MAST4: variants seen among roughly 807,000 people sequenced by gnomAD.
The protein encoded by MAST4 is microtubule-associated serine/threonine-protein kinase 4.
A neutral mutation model predicts 162.7 loss-of-function variants in MAST4; 89 were observed. The observed-to-expected ratio is 0.55, with a 90% CI of 0.46 to 0.65. The LOEUF is 0.65. Ranked by LOEUF, MAST4 falls within the 30% of genes least tolerant of loss-of-function variation. MAST4 has a pLI of 0.00. For synonymous variants in MAST4, 1,479 were observed against 1,361.1 expected (o/e 1.09, Z -1.91); for missense variants, 3,153 against 3,374.0 (o/e 0.93, Z 1.62).
chr5:66,673,080 G>A (rs1016290120), intron 1 of MAST4, among the ~76,000 whole-genome samples: 3 of 152,126 alleles, frequency 2.0e-5, no homozygotes, highest in Non-Finnish European at 4.4e-5. Context: ...TTTTGTGTGT[G>A]TGAGTGTTTT....
intron 4 of MAST4, among the ~76,000 whole-genome samples, chr5:66,921,155 G>A (rs568066669): frequency 2.6e-5 from 4 of 152,056 alleles, no homozygotes; most frequent in South Asian, 2.1e-4. Flanking sequence ...GCAACATTGG[G>A]TTAAAAAAAT....
In MAST4 at chr5:66,654,289, G is replaced by T. The variant is rs563605832; in HGVS notation, c.363+57271G>T. ...TCCTCCTTTAAGCAGTCAGAAGGGA[G>T]AGTGGTATCCATCAAACATCCTTCA... On this transcript the variant is annotated intron_variant, in intron 1 of 28. Transcript: ENST00000403625. Among the ~76,000 whole-genome samples, 123 of 152,318 alleles carry T rather than the reference G, an allele frequency of 8.1e-4. 4 individuals carry two copies. In the South Asian group the frequency reaches 0.025, roughly 32 times the overall value.
chr5:66,605,766 CTT>C (rs1742843372), intron 1 of MAST4, among the ~76,000 whole-genome samples: 1 of 152,124 alleles, frequency 6.6e-6, no homozygotes, highest in Non-Finnish European at 1.5e-5. Flanking sequence ...TGCAGATTCC[CTT>C]TTCAGAGGAC....
intron 1 of MAST4, among the ~76,000 whole-genome samples, chr5:66,648,083 TGAGA>T (rs375744842): frequency 0.038 from 3,329 of 86,554 alleles, 43 homozygotes; most frequent in Admixed American, 0.044. Context: ...TGTGTGTGTG[TGAGA>T]GAGAGAGAGA....
At chr5:67,098,108 G>A (rs923426325) in intron 7 of MAST4, among the ~76,000 whole-genome samples, 16 of 152,050 alleles carry the variant, frequency 1.1e-4, no homozygotes, top group South Asian at 4.1e-4. Context: ...GAATATATAC[G>A]AATAAAATTG....
intron 4 of MAST4, among the ~76,000 whole-genome samples, chr5:66,971,534 A>G (rs1447458690): frequency 2.6e-5 from 4 of 152,152 alleles, no homozygotes; most frequent in Non-Finnish European, 1.5e-5. Flanking sequence ...TCTTGATACT[A>G]TCTACTCTTA....
chr5:67,074,741 T>C (rs1168296809), intron 5 of MAST4, among the ~76,000 whole-genome samples: 2 of 152,256 alleles, frequency 1.3e-5, no homozygotes, highest in Non-Finnish European at 2.9e-5. Context: ...TATATACGTG[T>C]ATACACTGTC....
At position 67,120,081 on chromosome 5, in the gene MAST4, AT is replaced by A. The variant is rs1767393429; in HGVS notation, c.1660-935del. Among the ~76,000 whole-genome samples the A allele has an allele frequency of 8.5e-5, 13 of 152,374 alleles. No homozygotes were observed. The South Asian group carries it at 2.5e-3, about 29-fold the overall frequency. ...GCAGGTGATGACTAAATAGATCCAG[AT>A]CTTAGGGCCAGAGGCCAAAGGGGAG... On this transcript the variant is annotated intron_variant, in intron 13 of 28. Coordinates refer to ENST00000403625, the MANE Select transcript of MAST4 (RefSeq NM_001164664.2).
At chr5:66,937,526 C>G (rs1020766510) in intron 4 of MAST4, among the ~76,000 whole-genome samples, 8 of 152,184 alleles carry the variant, frequency 5.3e-5, no homozygotes, top group Non-Finnish European at 1.0e-4. Context: ...TCCTCCTCTC[C>G]TCACAGAAAT....
intron 14 of MAST4, among the ~76,000 whole-genome samples, chr5:67,128,971 C>G (rs1581661625): frequency 6.6e-6 from 1 of 152,214 alleles, no homozygotes; most frequent in African/African-American, 2.4e-5. Context: ...TGTTGCTCAT[C>G]ATTTCCAGAT....
chr5:66,981,688 C>T (rs143315453), intron 4 of MAST4, among the ~76,000 whole-genome samples: 2 of 152,134 alleles, frequency 1.3e-5, no homozygotes, highest in Non-Finnish European at 2.9e-5. Flanking sequence ...GGGTTTTTGA[C>T]AGAGAATGCA....
chr5:66,731,176 A>G (rs1751828286), intron 1 of MAST4, among the ~76,000 whole-genome samples: 1 of 152,222 alleles, frequency 6.6e-6, no homozygotes, highest in Non-Finnish European at 1.5e-5. Context: ...GGGATACACA[A>G]TTGAATAATA....
chr5:66,964,156 T>G, intron 4 of MAST4: 1 of 438,034 alleles, frequency 2.3e-6, no homozygotes, highest in East Asian at 6.7e-5. Context: ...TGCCTCAAAC[T>G]ATTTTATACA....
intron 4 of MAST4, among the ~76,000 whole-genome samples, chr5:66,938,791 G>A (rs997105789): frequency 2.0e-5 from 3 of 152,072 alleles, no homozygotes; most frequent in African/African-American, 4.8e-5. Flanking sequence ...ATATTAAATG[G>A]TACAGTGATT....
chr5:67,012,093 A>G (rs545287379), intron 4 of MAST4, among the ~76,000 whole-genome samples: 1 of 152,230 alleles, frequency 6.6e-6, no homozygotes, highest in East Asian at 1.9e-4. Context: ...GATGGGTAGA[A>G]CATTATATTC....
At chr5:67,059,657 T>G (rs751137214) in intron 5 of MAST4, among the ~76,000 whole-genome samples, 2 of 152,216 alleles carry the variant, frequency 1.3e-5, no homozygotes, top group Non-Finnish European at 2.9e-5. Flanking sequence ...CTTCAAAAGT[T>G]GTTTTACTAT....
chr5:66,952,061 A>G (rs183842129), intron 4 of MAST4, among the ~76,000 whole-genome samples: 2 of 152,140 alleles, frequency 1.3e-5, no homozygotes, highest in Non-Finnish European at 2.9e-5. Flanking sequence ...GTTCATGTGG[A>G]GCATATCCTG....
intron 2 of MAST4, among the ~76,000 whole-genome samples, chr5:66,761,032 G>A (rs1005604089): frequency 6.6e-6 from 1 of 152,156 alleles, no homozygotes; most frequent in South Asian, 2.1e-4. Flanking sequence ...TTCCTGACAG[G>A]TATGGATGAA....
chr5:67,111,537 GAA>G (rs796459501), intron 11 of MAST4, among the ~76,000 whole-genome samples: 4 of 150,946 alleles, frequency 2.6e-5, no homozygotes, highest in African/African-American at 9.7e-5. Context: ...AGGCTAAAAG[GAA>G]AAAAAAATCT....
Sources: gnomAD v4.1 joint callset for allele counts (sites outside exome capture counted in the v4.1 genomes callset) on GRCh38, gnomAD v4.1.1 for gene constraint, MANE v1.5 for transcripts, NCBI Gene and HGNC (gene_info 2026-07-23, HGNC 2026-07-21) for gene names.